STAC: variants seen among roughly 807,000 people sequenced by gnomAD.
STAC encodes SH3 and cysteine-rich domain-containing protein.
Under a neutral mutation model 48.8 loss-of-function variants are expected in STAC, and 43 were observed. That is an observed-to-expected ratio of 0.88 (90% CI 0.69 to 1.14). The LOEUF (loss-of-function observed/expected upper bound fraction) is 1.14. Ranked by LOEUF, STAC falls within the 50% of genes most tolerant of loss-of-function variation. The pLI, the probability that STAC is intolerant of heterozygous loss-of-function variation, is 0.00. For synonymous variants in STAC, 193 were observed against 179.5 expected (o/e 1.07, Z -0.60); for missense variants, 497 against 504.0 (o/e 0.99, Z 0.13).
At chr3:36,472,173 G>A (rs928837066) in intron 2 of STAC, among the ~76,000 whole-genome samples, 5 of 152,210 alleles carry the variant, frequency 3.3e-5, no homozygotes, top group Admixed American at 6.5e-5. Flanking sequence ...AAGCTGCCAC[G>A]GCTTGGGGCT....
At chr3:36,504,119 C>T (rs893375005) in intron 6 of STAC, among the ~76,000 whole-genome samples, 1 of 152,116 alleles carries the variant, frequency 6.6e-6, no homozygotes, top group African/African-American at 2.4e-5. Flanking sequence ...AATATGAACA[C>T]ACTACTGCCA....
At chr3:36,482,816 G>A (rs55847649) in intron 2 of STAC, among the ~76,000 whole-genome samples, 176 bp from the exon 3 acceptor site, 2,582 of 152,296 alleles carry the variant, frequency 0.017, 19 homozygotes, top group Non-Finnish European at 0.021. Flanking sequence ...ACCTTAGGTA[G>A]AAAATGCAGG....
chr3:36,446,847 G>A (rs185125019), intron 2 of STAC, among the ~76,000 whole-genome samples: 39 of 152,244 alleles, frequency 2.6e-4, no homozygotes, highest in Middle Eastern at 3.4e-3. Context: ...CAGATATTTC[G>A]AAAAATGTAT....
At chr3:36,446,164 T>G (rs1408845392) in intron 2 of STAC, among the ~76,000 whole-genome samples, 1 of 152,220 alleles carries the variant, frequency 6.6e-6, no homozygotes, top group African/African-American at 2.4e-5. Context: ...GCAGGCACCG[T>G]GGCATGCCCT....
At chr3:36,509,545 A>C (rs1698486070) in intron 8 of STAC, among the ~76,000 whole-genome samples, 2 of 152,024 alleles carry the variant, frequency 1.3e-5, no homozygotes, top group South Asian at 4.1e-4. Context: ...ACACCAATCA[A>C]ATGTAGGTTT....
intron 2 of STAC, among the ~76,000 whole-genome samples, chr3:36,463,844 G>A (rs1320136488): frequency 6.6e-6 from 1 of 152,042 alleles, no homozygotes; most frequent in East Asian, 1.9e-4. Flanking sequence ...CAAAGGACAT[G>A]AACTCATCCT....
At chr3:36,446,995 G>A (rs892859342) in intron 2 of STAC, among the ~76,000 whole-genome samples, 7 of 152,176 alleles carry the variant, frequency 4.6e-5, no homozygotes, top group Non-Finnish European at 8.8e-5. Context: ...CTGAGATGGG[G>A]TGTCTTATGA....
intron 6 of STAC, among the ~76,000 whole-genome samples, chr3:36,501,854 T>C (rs965404684): frequency 4.6e-5 from 7 of 152,118 alleles, no homozygotes; most frequent in Non-Finnish European, 2.9e-5. Flanking sequence ...AAGGATATCA[T>C]GAAAAAGGAA....
chr3:36,429,096 G>A (rs1406974395), intron 1 of STAC, among the ~76,000 whole-genome samples: 1 of 152,136 alleles, frequency 6.6e-6, no homozygotes, highest in Non-Finnish European at 1.5e-5. Context: ...CTAATGTATT[G>A]GCTAATGGAC....
intron 8 of STAC, among the ~76,000 whole-genome samples, chr3:36,524,595 AAAAT>A (rs904637182): frequency 2.0e-5 from 3 of 152,226 alleles, no homozygotes; most frequent in South Asian, 2.1e-4. Context: ...CCATCTCAAA[AAAAT>A]AAATAAATAA....
chr3:36,411,435 T>C (rs1443641678), intron 1 of STAC, among the ~76,000 whole-genome samples: 1 of 152,180 alleles, frequency 6.6e-6, no homozygotes, highest in Non-Finnish European at 1.5e-5. Context: ...GCTCCAGTCA[T>C]TGAAGCTCAA....
intron 10 of STAC, among the ~76,000 whole-genome samples, chr3:36,540,386 GATGAAGGTT>G (rs1231210908): frequency 6.6e-6 from 1 of 152,160 alleles, no homozygotes; most frequent in African/African-American, 2.4e-5. Flanking sequence ...TTGCAGATGT[GATGAAGGTT>G]ATGGACTCTG....
chr3:36,470,665 A>G (rs1019022047), intron 2 of STAC, among the ~76,000 whole-genome samples: 4 of 152,198 alleles, frequency 2.6e-5, no homozygotes, highest in African/African-American at 9.7e-5. Flanking sequence ...CTTTCCTGGT[A>G]TGCTCCTGTG....
Position 36,485,068 on chromosome 3 carries a change from G to A in STAC, c.571+10G>A, listed in dbSNP as rs539278555. The A allele has an allele frequency of 1.9e-6, 3 of 1,595,924 alleles. No homozygotes were observed. The African/African-American group carries it at 4.0e-5, about 21-fold the overall frequency. On this transcript the variant is annotated intron_variant, in intron 4 of 10. Coordinates refer to ENST00000273183, the MANE Select transcript of STAC (RefSeq NM_003149.3). ...GAAGTTATGCCCATTGGTGAGTTGG[G>A]ACATTGATGGGTTGAGTTGAGTTTG...
chr3:36,418,659 A>G (rs945772364), intron 1 of STAC, among the ~76,000 whole-genome samples: 6 of 130,944 alleles, frequency 4.6e-5, no homozygotes, highest in African/African-American at 1.4e-4. Flanking sequence ...TATATTTTAT[A>G]CTTTCTTTTA....
chr3:36,438,334 C>T (rs1017928318), intron 1 of STAC, among the ~76,000 whole-genome samples: 2 of 152,118 alleles, frequency 1.3e-5, no homozygotes, highest in African/African-American at 2.4e-5. Context: ...TGGTAAGGTT[C>T]TGAAGAATAT....
At chr3:36,521,173 A>G (rs1296016360) in intron 8 of STAC, among the ~76,000 whole-genome samples, 3 of 151,924 alleles carry the variant, frequency 2.0e-5, no homozygotes, top group Admixed American at 2.0e-4. Context: ...TGGTTGCTAT[A>G]AACTTGATTT....
intron 2 of STAC, among the ~76,000 whole-genome samples, chr3:36,479,772 C>T (rs11708473): frequency 0.22 from 34,086 of 152,094 alleles, 4,375 homozygotes; most frequent in Middle Eastern, 0.33. Flanking sequence ...TCTACTCAGG[C>T]ATAAGGGTCA....
intron 1 of STAC, among the ~76,000 whole-genome samples, chr3:36,412,648 G>A (rs533409885): frequency 1.2e-4 from 19 of 152,172 alleles, no homozygotes; most frequent in Non-Finnish European, 2.4e-4. Context: ...ATTTCTGTGT[G>A]GCATGAAGAG....
Sources: gnomAD v4.1 joint callset for allele counts (sites outside exome capture counted in the v4.1 genomes callset) on GRCh38, gnomAD v4.1.1 for gene constraint, MANE v1.5 for transcripts, NCBI Gene and HGNC (gene_info 2026-07-23, HGNC 2026-07-21) for gene names.